Variants in TENM1 observed in about 807,000 individuals in gnomAD.
TENM1 encodes the protein teneurin-1.
A neutral mutation model predicts 174.8 loss-of-function variants in TENM1; 35 were observed. The ratio of observed to expected loss-of-function variants is 0.20; its 90% CI spans 0.15 to 0.27. The LOEUF (loss-of-function observed/expected upper bound fraction) is 0.27, where lower values mean the gene tolerates loss of function less well. Among genes scored for constraint, TENM1 ranks in the 10% least tolerant of loss-of-function variants. The pLI is 1.00. For synonymous variants in TENM1, 781 were observed against 798.7 expected, an observed-to-expected ratio of 0.98 and a Z score of 0.37; for missense variants, 1,633 against 2,130.1, an observed-to-expected ratio of 0.77 and a Z score of 4.59.
intron 3 of TENM1, among the ~76,000 whole-genome samples, chrX:124,858,000 G>C (rs1229766975): frequency 1.6e-4 from 18 of 111,380 alleles, no homozygotes; most frequent in Admixed American, 9.5e-5. Flanking sequence ...TTTTCTTTGT[G>C]CTTCTAATGC....
At chrX:125,155,567 G>A in the TENM1 span, among the ~76,000 whole-genome samples, 40 of 111,192 alleles carry the variant, frequency 3.6e-4, no homozygotes, top group Non-Finnish European at 5.1e-4. Context: ...CCACGGAGGC[G>A]GGCGGGGGGA....
intron 3 of TENM1, among the ~76,000 whole-genome samples, chrX:124,860,859 T>TA (rs1042280396): frequency 9.0e-6 from 1 of 110,912 alleles, no homozygotes; most frequent in Non-Finnish European, 1.9e-5. Flanking sequence ...GAGAACGTGA[T>TA]AAAAAAAAAT....
the TENM1 span, among the ~76,000 whole-genome samples, chrX:125,119,101 T>A: frequency 2.7e-5 from 3 of 112,261 alleles, no homozygotes; most frequent in Non-Finnish European, 5.6e-5. Flanking sequence ...TAAATAAATT[T>A]GATTTAAAAA....
intron 3 of TENM1, among the ~76,000 whole-genome samples, chrX:124,838,465 CAAGAT>C (rs2056434543): frequency 9.0e-6 from 1 of 111,245 alleles, no homozygotes; most frequent in African/African-American, 3.3e-5. Context: ...CAGACTGAGA[CAAGAT>C]ATTTTCAATG....
chrX:124,386,219 A>AGT (rs1357649602), intron 28 of TENM1, among the ~76,000 whole-genome samples, 155 bp from the exon 32 acceptor site: 2 of 112,080 alleles, frequency 1.8e-5, no homozygotes, highest in Non-Finnish European at 3.8e-5. Context: ...AGTGCACAAT[A>AGT]GTGGTGTCTA....
intron 22 of TENM1, among the ~76,000 whole-genome samples, chrX:124,465,816 T>G (rs972631051): frequency 2.7e-5 from 3 of 111,277 alleles, no homozygotes; most frequent in African/African-American, 9.8e-5. Flanking sequence ...TAGTCTTTTC[T>G]AATGAGTCCT....
intron 11 of TENM1, among the ~76,000 whole-genome samples, chrX:124,582,989 C>G (rs1446164447): frequency 8.9e-6 from 1 of 112,440 alleles, no homozygotes; most frequent in African/African-American, 3.2e-5. Flanking sequence ...GGAGGGGCAC[C>G]CGCCATTGCC....
At chrX:125,147,048 G>C in the TENM1 span, among the ~76,000 whole-genome samples, 2,990 of 107,400 alleles carry the variant, frequency 0.028, 99 homozygotes, top group African/African-American at 0.099. Flanking sequence ...ACATGTGTCT[G>C]TGTGTGTATA....
At chrX:124,521,611 T>A (rs1225976188) in intron 17 of TENM1, among the ~76,000 whole-genome samples, 1 of 112,337 alleles carries the variant, frequency 8.9e-6, no homozygotes, top group Non-Finnish European at 1.9e-5. Flanking sequence ...TAACCAAAGG[T>A]GGTAACTAAA....
the TENM1 span, among the ~76,000 whole-genome samples, chrX:125,103,028 T>C: frequency 1.8e-5 from 2 of 112,317 alleles, no homozygotes; most frequent in African/African-American, 6.5e-5. Context: ...CATTCAAATC[T>C]AAAATTACTT....
chrX:124,547,143 A>G, intron 14 of TENM1, 53 bp from the exon 18 acceptor site: 3 of 940,179 alleles, frequency 3.2e-6, no homozygotes, highest in Non-Finnish European at 4.5e-6. Context: ...AGAGAAAAAT[A>G]TAGTTTAAAA....
chrX:125,174,133 C>T, the TENM1 span, among the ~76,000 whole-genome samples: 2 of 110,915 alleles, frequency 1.8e-5, no homozygotes, highest in Admixed American at 9.6e-5. Context: ...GATCCAACCT[C>T]GGAAATATGA....
Position 124,587,864 on chromosome X carries a change from C to G in TENM1, c.2078-22304G>C, listed in dbSNP as rs1367006593. On this transcript the variant is annotated intron_variant, in intron 11 of 31. Coordinates refer to ENST00000422452, the Ensembl canonical transcript of TENM1. Reference sequence around the variant, plus strand: ...ACAAGAAAAAAACAAACAGCCCCATCAAAAAGTGGGCGAAGGACATGAACA... The same window carrying G: ...ACAAGAAAAAAACAAACAGCCCCATGAAAAAGTGGGCGAAGGACATGAACA... 3.6e-5 allele frequency among the ~76,000 whole-genome samples: 4 copies of G among 111,672 alleles called. No homozygotes were observed. The East Asian group carries it at 1.1e-3, about 31-fold the overall frequency.
the TENM1 span, among the ~76,000 whole-genome samples, chrX:125,026,921 C>T: frequency 9.0e-6 from 1 of 111,205 alleles, no homozygotes; most frequent in Non-Finnish European, 1.9e-5. Flanking sequence ...TAGCAGTAGT[C>T]CCTCAACTTC....
chrX:125,200,243 T>C, the TENM1 span, among the ~76,000 whole-genome samples: 5 of 111,952 alleles, frequency 4.5e-5, no homozygotes, highest in African/African-American at 9.7e-5. Flanking sequence ...GGAAAAATAA[T>C]AGCAATCTCC....
intron 5 of TENM1, among the ~76,000 whole-genome samples, chrX:124,678,567 T>C (rs764798965): frequency 9.0e-6 from 1 of 111,648 alleles, no homozygotes; most frequent in South Asian, 3.7e-4. Context: ...TTTTATTCTA[T>C]CTCTTTTATT....
intron 4 of TENM1, among the ~76,000 whole-genome samples, chrX:124,710,822 G>A (rs2053030585): frequency 8.9e-6 from 1 of 112,152 alleles, no homozygotes; most frequent in Admixed American, 9.4e-5. Context: ...ATGAAAAAGA[G>A]CAATGCAAAT....
the TENM1 span, among the ~76,000 whole-genome samples, chrX:125,159,495 A>G: frequency 8.9e-6 from 1 of 112,166 alleles, no homozygotes; most frequent in Non-Finnish European, 1.9e-5. Flanking sequence ...TAACCAATAG[A>G]TCAGCCCAGA....
chrX:125,012,612 A>C, the TENM1 span, among the ~76,000 whole-genome samples: 1 of 111,952 alleles, frequency 8.9e-6, no homozygotes, highest in African/African-American at 3.2e-5. Flanking sequence ...ATACCTTAAT[A>C]ATTTCTATAT....
Sources: gnomAD v4.1 joint callset for allele counts (sites outside exome capture counted in the v4.1 genomes callset) on GRCh38, gnomAD v4.1.1 for gene constraint, MANE v1.5 for transcripts, NCBI Gene and HGNC (gene_info 2026-07-23, HGNC 2026-07-21) for gene names.